FANCD2OS: variants seen among roughly 807,000 people sequenced by gnomAD.
The protein encoded by FANCD2OS is FANCD2 opposite strand.
In FANCD2OS, 11 loss-of-function variants were observed where a neutral mutation model predicts 13.2. The ratio of observed to expected loss-of-function variants is 0.83; its 90% CI spans 0.52 to 1.38. The LOEUF is 1.38. FANCD2OS is among the 40% of genes most tolerant of loss of function. The pLI is 0.00. For synonymous variants in FANCD2OS, 69 were observed against 84.5 expected (o/e 0.82, Z 1.01); for missense variants, 217 against 213.9 (o/e 1.01, Z -0.09).
chr3:10,088,533 C>T (rs1320417162), intron 2 of FANCD2OS: 2 of 1,599,846 alleles, frequency 1.3e-6, no homozygotes, highest in Non-Finnish European at 1.7e-6. Context: ...CAGCTCCATG[C>T]TCTGCTCTGG....
At chr3:10,090,248 C>A in intron 2 of FANCD2OS, 2 of 1,399,856 alleles carry the variant, frequency 1.4e-6, no homozygotes, top group Non-Finnish European at 2.0e-6. Context: ...TAGTTCTAAG[C>A]AGTGCATCAT....
chr3:10,081,538 T>G, intron 2 of FANCD2OS: 1 of 1,039,658 alleles, frequency 9.6e-7, no homozygotes, highest in Non-Finnish European at 1.5e-6. Flanking sequence ...GGCACTGAAA[T>G]GTAGAAAAGA....
Position 10,094,374 on chromosome 3 carries a change from A to G in FANCD2OS, c.*43+9824T>C, listed in dbSNP as rs945877549. 6 of 1,609,460 alleles carry G rather than the reference A, an allele frequency of 3.7e-6. No individual in the cohort carries two copies. The highest frequency in any genetic ancestry group is 5.1e-6 in the Non-Finnish European group (6 of 1,175,958). Reference sequence around the variant, plus strand: ...TTTAGAAAACACCGGGTAAGAGCTAAGAGCAGAGAACAAAGATATGCACTG... The same window carrying G: ...TTTAGAAAACACCGGGTAAGAGCTAGGAGCAGAGAACAAAGATATGCACTG... On this transcript the variant is annotated intron_variant, in intron 2 of 2. Transcript: ENST00000524279.
downstream of FANCD2OS, chr3:10,101,720 G>GATACGGC: frequency 3.9e-6 from 1 of 256,684 alleles, no homozygotes. Flanking sequence ...ATTAACTTGT[G>GATACGGC]GACATCATGG....
chr3:10,085,583 G>A (rs1575836299), intron 2 of FANCD2OS, among the ~76,000 whole-genome samples: 2 of 151,810 alleles, frequency 1.3e-5, no homozygotes, highest in South Asian at 4.2e-4. Context: ...GTAGAGACGG[G>A]ATTTCACCGT....
At chr3:10,088,260 TTATGTC>T (rs561925804) in intron 2 of FANCD2OS, among the ~76,000 whole-genome samples, 1 of 152,140 alleles carries the variant, frequency 6.6e-6, no homozygotes, top group Non-Finnish European at 1.5e-5. Context: ...GCAAATGAGT[TTATGTC>T]TGGCAAAAGG....
Position 10,104,585 on chromosome 3 carries a change from G to A in FANCD2OS, c.190C>T (p.Leu64=). 2 of 1,614,200 alleles carry A rather than the reference G, an allele frequency of 1.2e-6. No individual in the cohort carries two copies. Among genetic ancestry groups the A allele is most frequent in the Non-Finnish European group, 8.5e-7 (1 of 1,180,040 alleles). Residue 64 remains leucine (L), a synonymous_variant, in exon 2 of 2, where the codon CTG becomes TTG. Transcript: ENST00000450660. ...EVTLVLDSPF[L]ESGVSPKLPC... ...AACTTGGGACTCACTCCAGATTCCA[G>A]GAATGGGCTGTCTAGGACTAGAGTG...
chr3:10,081,629 C>G (rs1038285204), intron 2 of FANCD2OS: 1 of 704,718 alleles, frequency 1.4e-6, no homozygotes, highest in Non-Finnish European at 2.6e-6. Flanking sequence ...TTCATTTGAT[C>G]TTGTACCCTC....
intron 2 of FANCD2OS, chr3:10,093,219 G>T: frequency 8.0e-7 from 1 of 1,256,808 alleles, no homozygotes; most frequent in East Asian, 2.3e-5. Flanking sequence ...TTGCGCAGCG[G>T]GAAAGAGGCT....
chr3:10,087,282 T>A, intron 2 of FANCD2OS: 1 of 195,878 alleles, frequency 5.1e-6, no homozygotes, highest in East Asian at 2.0e-4. Flanking sequence ...GCCTAGATCC[T>A]TTTTTTTTTT....
chr3:10,095,426 C>T (rs967059046), intron 2 of FANCD2OS: 27 of 699,228 alleles, frequency 3.9e-5, no homozygotes, highest in Non-Finnish European at 6.8e-5. Context: ...CTTAGTTGCT[C>T]CTTGAGATTG....
intron 1 of FANCD2OS, 98 bp from the exon 2 acceptor site, chr3:10,104,880 C>T: frequency 2.9e-6 from 3 of 1,041,802 alleles, no homozygotes; most frequent in Non-Finnish European, 2.7e-6. Flanking sequence ...TAGACATAAA[C>T]TTGTTCTATA....
Position 10,104,801 on chromosome 3 carries a change from AG to A in FANCD2OS, c.-8-20del. 6.5e-7 allele frequency: 1 copy of A among 1,528,506 alleles called. No homozygotes were observed. Among genetic ancestry groups the A allele is most frequent in the African/African-American group, 1.4e-5 (1 of 72,530 alleles). 94.7% of individuals were successfully genotyped at this position (1,528,506 alleles called of 1,614,324 possible). ...GACAGTCCTAAAGGAGGGAAATCAG[AG>A]CATGGAATTTCCCTGACATGCTTTT... On this transcript the variant is annotated intron_variant, in intron 1 of 1. Coordinates refer to ENST00000450660, the MANE Select transcript of FANCD2OS (RefSeq NM_001164839.2).
At chr3:10,107,355 T>TC (rs1396699111) in intron 1 of FANCD2OS, among the ~76,000 whole-genome samples, 2 of 152,060 alleles carry the variant, frequency 1.3e-5, no homozygotes, top group South Asian at 4.2e-4. Context: ...TGGCGCGATC[T>TC]CCGCTCACTG....
downstream of FANCD2OS, chr3:10,101,377 CTTTTTTTTT>C (rs950337384): frequency 6.2e-5 from 24 of 388,514 alleles, no homozygotes; most frequent in Non-Finnish European, 6.0e-5. Flanking sequence ...TTTTGTTCCT[CTTTTTTTTT>C]TTTTTTTTTT....
intron 2 of FANCD2OS, among the ~76,000 whole-genome samples, chr3:10,083,985 G>T (rs115349693): frequency 2.0e-3 from 306 of 150,424 alleles, no homozygotes; most frequent in Non-Finnish European, 3.4e-3. Flanking sequence ...TTCTAAACTT[G>T]TTTCCCATGC....
In FANCD2OS at chr3:10,095,252, A is replaced by C. The variant is rs1559408827; in HGVS notation, c.*43+8946T>G. On this transcript the variant is annotated intron_variant, in intron 2 of 2. Transcript: ENST00000524279. ...TTCCAGTTGGACACAAGGCTGCTTC[A>C]TCACCTGTGTGGGCATTCCAAGGTA... The C allele has an allele frequency of 6.2e-7, 1 of 1,614,150 alleles. No individual in the cohort carries two copies.
chr3:10,105,103 C>T (rs1475164442), intron 1 of FANCD2OS, among the ~76,000 whole-genome samples: 3 of 152,142 alleles, frequency 2.0e-5, no homozygotes, highest in Admixed American at 6.5e-5. Flanking sequence ...TCCACCGCCT[C>T]GGCCTCCCAA....
chr3:10,098,531 A>G (rs1347079414), downstream of FANCD2OS, among the ~76,000 whole-genome samples: 1 of 152,220 alleles, frequency 6.6e-6, no homozygotes, highest in East Asian at 1.9e-4. Context: ...TCAGGGCCAC[A>G]GACATCTCAG....
Sources: gnomAD v4.1 joint callset for allele counts (sites outside exome capture counted in the v4.1 genomes callset) on GRCh38, gnomAD v4.1.1 for gene constraint, MANE v1.5 for transcripts, NCBI Gene and HGNC (gene_info 2026-07-23, HGNC 2026-07-21) for gene names.